Variants in PIGU observed in about 807,000 individuals in gnomAD.
PIGU encodes phosphatidylinositol glycan anchor biosynthesis class U.
PIGU carries 24 observed loss-of-function variants against 49.9 expected under a neutral mutation model. The ratio of observed to expected loss-of-function variants is 0.48; its 90% CI spans 0.35 to 0.68. PIGU has a LOEUF of 0.68. Ranked by LOEUF, PIGU falls within the 30% of genes least tolerant of loss-of-function variation. PIGU has a pLI of 0.01. For synonymous variants in PIGU, 220 were observed against 205.7 expected (o/e 1.07, Z -0.59); for missense variants, 490 against 532.6 (o/e 0.92, Z 0.79).
chr20:34,637,000 A>G (rs1985989654), intron 5 of PIGU, among the ~76,000 whole-genome samples: 1 of 152,200 alleles, frequency 6.6e-6, no homozygotes, highest in South Asian at 2.1e-4. Context: ...GGTAGATCCC[A>G]CCAATATTTC....
chr20:34,561,902 A>G (rs971622150), intron 11 of PIGU, among the ~76,000 whole-genome samples: 2 of 151,488 alleles, frequency 1.3e-5, no homozygotes, highest in African/African-American at 4.9e-5. Flanking sequence ...TCGATAACAG[A>G]CTCATCGAAA....
chr20:34,594,874 C>T (rs1464282868), intron 7 of PIGU, among the ~76,000 whole-genome samples: 6 of 151,926 alleles, frequency 3.9e-5, no homozygotes, highest in Non-Finnish European at 7.4e-5. Flanking sequence ...AAGCGGATCA[C>T]GAGGTCAGGA....
At position 34,609,426 on chromosome 20, in the gene PIGU, G is replaced by A. The variant is rs151004821; in HGVS notation, c.627+6616C>T. Among the ~76,000 whole-genome samples the A allele has an allele frequency of 7.1e-3, 1,079 of 151,670 alleles. 13 individuals are homozygous for A. Among genetic ancestry groups the A allele is most frequent in the Middle Eastern group, 0.041 (12 of 294 alleles). On this transcript the variant is annotated intron_variant, in intron 7 of 11. Coordinates refer to ENST00000217446, the MANE Select transcript of PIGU (RefSeq NM_080476.5). The stretch of plus-strand genomic sequence containing the variant: ...GTCACCCAGGCTTGAGTGCAGTGGC[G>A]CAATCTCGGCTCACTGCAACCTCCA...
At position 34,645,330 on chromosome 20, in the gene PIGU, G is replaced by A; in HGVS notation, c.200C>T (p.Pro67Leu). The change falls in exon 3 of 12, where the codon CCA (proline) becomes CTA (leucine). Residue 67 changes from proline (P) to leucine (L), a missense_variant. Pro to Leu is a moderately conservative substitution (Grantham distance 98). Transcript: ENST00000217446. ...PYSGAVFHET[P>L]LIIYLFHFLI... ...GAAATGAAAGAGGTATATTATTAATGGAGTCTGCAGAAAAAAAACAGACAT... is the reference window on the plus strand; with the variant it reads ...GAAATGAAAGAGGTATATTATTAATAGAGTCTGCAGAAAAAAAACAGACAT... The A allele has an allele frequency of 6.4e-7, 1 of 1,564,708 alleles. No homozygotes were observed. The highest frequency in any genetic ancestry group is 8.6e-7 in the Non-Finnish European group (1 of 1,163,080).
intron 5 of PIGU, among the ~76,000 whole-genome samples, chr20:34,636,149 C>T (rs907911794): frequency 2.2e-4 from 34 of 151,890 alleles, no homozygotes; most frequent in African/African-American, 7.5e-4. Flanking sequence ...TACAGTGAGC[C>T]GTGACTGTAC....
At chr20:34,663,281 A>C (rs1986984057) in intron 1 of PIGU, among the ~76,000 whole-genome samples, 1 of 152,100 alleles carries the variant, frequency 6.6e-6, no homozygotes, top group African/African-American at 2.4e-5. Flanking sequence ...GTTCAAGATC[A>C]GCCTGGGCAA....
chr20:34,583,841 A>G (rs4302281), intron 9 of PIGU, among the ~76,000 whole-genome samples: 126,851 of 152,186 alleles, frequency 0.83, 53,132 homozygotes, highest in Admixed American at 0.91. Flanking sequence ...AGCTTTTGAG[A>G]TTTTACAGAA....
At chr20:34,597,117 A>G (rs958616675) in intron 7 of PIGU, among the ~76,000 whole-genome samples, 1 of 152,196 alleles carries the variant, frequency 6.6e-6, no homozygotes, top group African/African-American at 2.4e-5. Context: ...CACTTGCCCA[A>G]TGTCCCAAAA....
intron 11 of PIGU, among the ~76,000 whole-genome samples, chr20:34,571,784 C>T (rs149346577): frequency 1.8e-3 from 277 of 152,278 alleles, no homozygotes; most frequent in African/African-American, 6.3e-3. Flanking sequence ...TCATTTTGCA[C>T]TCTGAGGCTC....
chr20:34,606,691 C>T (rs1984628928), intron 7 of PIGU, among the ~76,000 whole-genome samples: 1 of 152,132 alleles, frequency 6.6e-6, no homozygotes, highest in South Asian at 2.1e-4. Flanking sequence ...TCAAGTTGTT[C>T]CACTATAAGT....
intron 7 of PIGU, among the ~76,000 whole-genome samples, chr20:34,611,935 T>C (rs889743275): frequency 6.6e-6 from 1 of 152,182 alleles, no homozygotes; most frequent in Non-Finnish European, 1.5e-5. Context: ...GTTCAACCAT[T>C]GTGGAAGACA....
At chr20:34,600,532 T>C (rs561633622) in intron 7 of PIGU, among the ~76,000 whole-genome samples, 3 of 152,128 alleles carry the variant, frequency 2.0e-5, no homozygotes, top group African/African-American at 4.8e-5. Context: ...TTGATCATCT[T>C]GATCTTCCTC....
At chr20:34,614,520 G>A (rs1278282503) in intron 7 of PIGU, among the ~76,000 whole-genome samples, 3 of 151,558 alleles carry the variant, frequency 2.0e-5, no homozygotes, top group African/African-American at 7.3e-5. Context: ...AGTTACTCAG[G>A]AGACTAAGGT....
chr20:34,590,367 G>A (rs935389143), intron 7 of PIGU, among the ~76,000 whole-genome samples: 1 of 151,734 alleles, frequency 6.6e-6, no homozygotes, highest in African/African-American at 2.4e-5. Context: ...AACCAGCCTG[G>A]CTAACATAGC....
chr20:34,567,501 GCCA>G (rs1198749849), intron 11 of PIGU, among the ~76,000 whole-genome samples: 3 of 152,050 alleles, frequency 2.0e-5, no homozygotes, highest in Non-Finnish European at 4.4e-5. Flanking sequence ...GGAAACTGAG[GCCA>G]CCACCACCTC....
chr20:34,642,659 A>G (rs974951871), intron 4 of PIGU, among the ~76,000 whole-genome samples: 1 of 52,136 alleles, frequency 1.9e-5, no homozygotes, highest in African/African-American at 7.8e-5. Context: ...TCTCATATAT[A>G]TATATATATA....
intron 7 of PIGU, among the ~76,000 whole-genome samples, chr20:34,605,067 ACT>A (rs938623856): frequency 6.6e-6 from 1 of 152,136 alleles, no homozygotes; most frequent in Non-Finnish European, 1.5e-5. Flanking sequence ...GGTCCTGTGC[ACT>A]CGGCTTTCCT....
intron 11 of PIGU, among the ~76,000 whole-genome samples, chr20:34,572,579 A>T (rs1174749746): frequency 6.6e-6 from 1 of 152,096 alleles, no homozygotes; most frequent in Non-Finnish European, 1.5e-5. Context: ...GCTTGAACCC[A>T]GGAGGTGGAG....
chr20:34,588,540 A>G lies in PIGU; in HGVS notation c.695T>C (p.Met232Thr), dbSNP rs1418693012. The change falls in exon 8 of 12, where the codon ATG becomes ACG. Residue 232 changes from methionine to threonine, a missense_variant. By Grantham distance (81) the Met-to-Thr change is moderately conservative. Coordinates refer to ENST00000217446, the MANE Select transcript of PIGU (RefSeq NM_080476.5). The part of the protein sequence containing the change: ...FWIFSWEYAM[M>T]YVGSLVVIIC... ...GATTACCACTAGGCTTCCCACATAC[A>G]TCATGGCATACTCCCAAGAAAAGAT... The G allele has an allele frequency of 1.2e-6, 2 of 1,613,594 alleles. No homozygotes were observed. The highest frequency in any genetic ancestry group is 2.2e-5 in the East Asian group (1 of 44,884).
Sources: allele counts gnomAD v4.1 joint callset (sites outside exome capture counted in the v4.1 genomes callset), GRCh38; gene constraint gnomAD v4.1.1; transcripts MANE v1.5; gene names NCBI Gene and HGNC (gene_info 2026-07-23, HGNC 2026-07-21).